PI4KA: variants seen among roughly 807,000 people sequenced by gnomAD.
PI4KA encodes phosphatidylinositol 4-kinase alpha, also known as PI4-kinase alpha.
In PI4KA, 122 loss-of-function variants were observed where a neutral mutation model predicts 271.4. The observed-to-expected ratio is 0.45, with a 90% CI of 0.39 to 0.52. The LOEUF (loss-of-function observed/expected upper bound fraction) is 0.52, where lower values mean the gene tolerates loss of function less well. PI4KA is among the 20% of genes least tolerant of loss of function. The pLI is 0.00. For missense variants in PI4KA, 1,969 were observed against 2,769.1 expected, an observed-to-expected ratio of 0.71 and a Z score of 6.48; for synonymous variants, 1,041 against 1,078.8, an observed-to-expected ratio of 0.96 and a Z score of 0.69.
chr22:20,779,656 A>G lies in PI4KA; in HGVS notation c.2328+13537T>C. 1.3e-5 allele frequency: 21 copies of G among 1,614,050 alleles called. No individual in the cohort carries two copies. The highest frequency in any genetic ancestry group is 1.8e-5 in the Non-Finnish European group (21 of 1,179,856). On this transcript the variant is annotated intron_variant, in intron 19 of 54. Coordinates refer to ENST00000255882, the MANE Select transcript of PI4KA (RefSeq NM_058004.4). ...GATGTGAGTGCTGGGAACATCCTCC[A>G]GCTTTTTCATGGCAAGAGCCGGATC... is the stretch of plus-strand genomic sequence containing the variant.
chr22:20,855,668 G>C (rs1927502493), intron 1 of PI4KA, among the ~76,000 whole-genome samples: 1 of 152,176 alleles, frequency 6.6e-6, no homozygotes, highest in Non-Finnish European at 1.5e-5. Context: ...CTTGCTCCTT[G>C]CTACAGCAGC....
chr22:20,727,974 C>T (rs1927568717), intron 39 of PI4KA, 110 bp from the exon 40 acceptor site: 1 of 689,720 alleles, frequency 1.4e-6, no homozygotes, highest in Non-Finnish European at 2.5e-6. Context: ...GAGGGATTCA[C>T]ATCAATACCA....
At chr22:20,817,724 ACT>A (rs1248634279) in intron 7 of PI4KA, among the ~76,000 whole-genome samples, 3 of 114,942 alleles carry the variant, frequency 2.6e-5, no homozygotes, top group South Asian at 6.7e-4. Context: ...GCAGAGTGAG[ACT>A]CTCTCTCCAA....
chr22:20,721,435 T>A lies in PI4KA; in HGVS notation c.4996-17A>T, dbSNP rs908657168. On this transcript the variant is annotated splice_polypyrimidine_tract_variant and intron_variant, in intron 42 of 54. Transcript: ENST00000255882. ...ATAGCCCATCTGCAGGAGAGCAAGGTCCCTGTCAGCCAGGCTCGGCCCTCT... is the reference window on the plus strand; with the variant it reads ...ATAGCCCATCTGCAGGAGAGCAAGGACCCTGTCAGCCAGGCTCGGCCCTCT... 6.2e-7 allele frequency: 1 copy of A among 1,612,366 alleles called. No homozygotes were observed. The highest frequency in any genetic ancestry group is 8.5e-7 in the Non-Finnish European group (1 of 1,179,304).
At chr22:20,774,485 G>A (rs760864616) in intron 19 of PI4KA, among the ~76,000 whole-genome samples, 7 of 152,306 alleles carry the variant, frequency 4.6e-5, no homozygotes, top group South Asian at 2.1e-4. Flanking sequence ...TAGAGGGGCC[G>A]GGTGCAGTGG....
At chr22:20,722,824 T>G (rs972865397) in intron 42 of PI4KA, among the ~76,000 whole-genome samples, 2 of 152,340 alleles carry the variant, frequency 1.3e-5, no homozygotes, top group East Asian at 3.9e-4. Context: ...AAGTCTTCAC[T>G]TTGGGTTTCC....
At chr22:20,851,933 G>A (rs1245225937) in intron 1 of PI4KA, among the ~76,000 whole-genome samples, 1 of 152,110 alleles carries the variant, frequency 6.6e-6, no homozygotes, top group Non-Finnish European at 1.5e-5. Flanking sequence ...AGCCATCCTG[G>A]CTAACACAGT....
chr22:20,840,611 G>C (rs567897481), intron 1 of PI4KA, among the ~76,000 whole-genome samples: 1 of 152,208 alleles, frequency 6.6e-6, no homozygotes. Context: ...AGCAATCAAC[G>C]AGTAGAGACA....
chr22:20,749,273 C>T (rs1252827759), intron 28 of PI4KA, among the ~76,000 whole-genome samples: 3 of 152,236 alleles, frequency 2.0e-5, no homozygotes, highest in Non-Finnish European at 4.4e-5. Context: ...GGGTAAACCT[C>T]ACAAGAGTTC....
At chr22:20,722,085 C>T (rs1246620441) in intron 42 of PI4KA, 1 of 152,260 alleles carries the variant, frequency 6.6e-6, no homozygotes, top group African/African-American at 2.4e-5. Flanking sequence ...GACCTACTTC[C>T]CCTTCCACCA....
chr22:20,835,012 C>T (rs189617807), intron 2 of PI4KA, among the ~76,000 whole-genome samples: 66 of 152,308 alleles, frequency 4.3e-4, no homozygotes, highest in Non-Finnish European at 7.8e-4. Context: ...TGGTTTAGAG[C>T]CCCAAAACCC....
At chr22:20,800,881 A>T (rs1935272510) in intron 14 of PI4KA, among the ~76,000 whole-genome samples, 2 of 145,550 alleles carry the variant, frequency 1.4e-5, no homozygotes, top group Admixed American at 1.4e-4. Flanking sequence ...CTCAAAAAAA[A>T]AAAAGGAAGA....
At chr22:20,790,799 T>C (rs1229039891) in intron 19 of PI4KA, among the ~76,000 whole-genome samples, 1 of 150,526 alleles carries the variant, frequency 6.6e-6, no homozygotes, top group Non-Finnish European at 1.5e-5. Flanking sequence ...GGGGTAACCA[T>C]AAAGTAAATG....
At chr22:20,785,079 T>C (rs1934114713) in intron 19 of PI4KA, among the ~76,000 whole-genome samples, 1 of 151,500 alleles carries the variant, frequency 6.6e-6, no homozygotes, top group South Asian at 2.1e-4. Context: ...TTTTTTTTTT[T>C]TTTTTTTTGA....
intron 41 of PI4KA, 97 bp downstream of exon 41, chr22:20,727,133 C>T (rs1468242011): frequency 1.2e-5 from 13 of 1,112,192 alleles, no homozygotes; most frequent in Admixed American, 7.7e-5. Flanking sequence ...TGTAACGGGG[C>T]GACCTCATGG....
intron 1 of PI4KA, among the ~76,000 whole-genome samples, chr22:20,852,383 G>C (rs565217777): frequency 1.3e-5 from 2 of 152,200 alleles, no homozygotes; most frequent in Admixed American, 1.3e-4. Context: ...CGTGAAGGCA[G>C]AGGGAGAAAG....
At chr22:20,813,273 G>C (rs1921303180) in intron 8 of PI4KA, 85 bp downstream of exon 8, 2 of 1,046,794 alleles carry the variant, frequency 1.9e-6, no homozygotes, top group East Asian at 4.8e-5. Flanking sequence ...GGTACTCTGA[G>C]TTTTTCTTTT....
At chr22:20,830,398 G>A (rs993854411) in intron 3 of PI4KA, among the ~76,000 whole-genome samples, 8 of 152,126 alleles carry the variant, frequency 5.3e-5, no homozygotes, top group African/African-American at 1.9e-4. Flanking sequence ...ATTATGTAAT[G>A]CCTTTCTTTG....
rs529656456 is a variant in PI4KA, at chr22:20,714,198, G to A, written c.5461+260C>T. On this transcript the variant is annotated intron_variant, in intron 47 of 54. Transcript: ENST00000255882. The stretch of plus-strand genomic sequence containing the variant: ...GAAACTAACACCCCCCAACAGCCCC[G>A]GGCCCCTCAGCCTCAGGAAGGAGCC... Among the ~76,000 whole-genome samples, 48 of 151,792 alleles carry A rather than the reference G, an allele frequency of 3.2e-4. No homozygotes were observed. The South Asian group carries it at 6.2e-3, about 20-fold the overall frequency.
Sources: gnomAD v4.1 joint callset for allele counts (sites outside exome capture counted in the v4.1 genomes callset) on GRCh38, gnomAD v4.1.1 for gene constraint, MANE v1.5 for transcripts, NCBI Gene and HGNC (gene_info 2026-07-23, HGNC 2026-07-21) for gene names.